The following FANCC variants were observed in gnomAD, a reference collection of about 807,000 sequenced individuals.
FANCC encodes Fanconi anemia group C protein.
Under a neutral mutation model 71.3 loss-of-function variants are expected in FANCC, and 55 were observed. That is an observed-to-expected ratio of 0.77 (90% CI 0.62 to 0.97). The LOEUF is 0.97. FANCC is among the 50% of genes least tolerant of loss of function. The probability of loss-of-function intolerance (pLI) is 0.00; values close to 1 mark genes in which losing one functional copy is unlikely to be tolerated. For missense variants in FANCC, 678 were observed against 670.9 expected (o/e 1.01, Z -0.12); for synonymous variants, 275 against 244.9 (o/e 1.12, Z -1.15).
At chr9:95,288,307 G>A (rs1833807197) in intron 1 of FANCC, among the ~76,000 whole-genome samples, 1 of 152,032 alleles carries the variant, frequency 6.6e-6, no homozygotes, top group South Asian at 2.1e-4. Context: ...CCATATATAG[G>A]AGAAAATTAA....
rs746329274 is a variant in FANCC, at chr9:95,150,100, TAAG to T, written c.522-16_522-14del. The T allele has an allele frequency of 3.1e-6, 5 of 1,613,636 alleles. No homozygotes were observed. The highest frequency in any genetic ancestry group is 3.3e-5 in the Admixed American group (2 of 59,988). On this transcript the variant is annotated splice_polypyrimidine_tract_variant and intron_variant, in intron 6 of 14. Transcript: ENST00000289081. ...CTCGGGAGCCATTCTATGGAAGAAA[TAAG>T]AAATAATCACTCAAATCTAAGAGCC...
At chr9:95,245,729 T>C (rs1830925721) in intron 3 of FANCC, among the ~76,000 whole-genome samples, 1 of 151,682 alleles carries the variant, frequency 6.6e-6, no homozygotes, top group Admixed American at 6.6e-5. Flanking sequence ...AAACCCCATC[T>C]CTATTAAAAA....
chr9:95,231,790 G>C (rs1161526225), intron 4 of FANCC, among the ~76,000 whole-genome samples: 5 of 152,156 alleles, frequency 3.3e-5, no homozygotes, highest in Non-Finnish European at 5.9e-5. Context: ...TATTTGGTAA[G>C]TTATAACATG....
chr9:95,234,326 G>T (rs1357904272), intron 4 of FANCC, among the ~76,000 whole-genome samples: 1 of 152,122 alleles, frequency 6.6e-6, no homozygotes, highest in Non-Finnish European at 1.5e-5. Flanking sequence ...GCCGTGCCAG[G>T]TACTGTTCAA....
At chr9:95,311,183 G>A (rs758926147) in intron 1 of FANCC, among the ~76,000 whole-genome samples, 6 of 142,934 alleles carry the variant, frequency 4.2e-5, no homozygotes, top group African/African-American at 1.3e-4. Flanking sequence ...GCAATGAGCC[G>A]AGATCGCGCC....
chr9:95,259,624 A>G (rs1253597659), intron 1 of FANCC, among the ~76,000 whole-genome samples: 1 of 152,252 alleles, frequency 6.6e-6, no homozygotes, highest in Non-Finnish European at 1.5e-5. Context: ...TTTAGGACAT[A>G]GGCATGGACA....
At chr9:95,158,483 A>T (rs1439649658) in intron 6 of FANCC, among the ~76,000 whole-genome samples, 1 of 152,220 alleles carries the variant, frequency 6.6e-6, no homozygotes, top group Non-Finnish European at 1.5e-5. Context: ...AGGAGAAAAG[A>T]CAAACTGTTC....
At chr9:95,210,254 G>A (rs757271301) in intron 4 of FANCC, among the ~76,000 whole-genome samples, 6 of 152,090 alleles carry the variant, frequency 3.9e-5, no homozygotes, top group Non-Finnish European at 7.4e-5. Flanking sequence ...TATGTGAGCA[G>A]GGACAGTTAT....
chr9:95,212,264 G>A (rs943751099), intron 4 of FANCC, among the ~76,000 whole-genome samples: 16 of 152,032 alleles, frequency 1.1e-4, no homozygotes, highest in Non-Finnish European at 1.6e-4. Flanking sequence ...GAGGAATCTC[G>A]AAAGACTCCA....
chr9:95,184,943 T>G (rs1435899574), intron 4 of FANCC, among the ~76,000 whole-genome samples: 6 of 152,232 alleles, frequency 3.9e-5, no homozygotes, highest in African/African-American at 9.6e-5. Flanking sequence ...CTGTGCCTGT[T>G]AGTCTGAAGC....
chr9:95,299,235 A>G (rs890421856), intron 1 of FANCC, among the ~76,000 whole-genome samples: 2 of 152,248 alleles, frequency 1.3e-5, no homozygotes, highest in African/African-American at 4.8e-5. Flanking sequence ...CAAAATCCCT[A>G]TAATTTGTAA....
chr9:95,286,222 T>G (rs573674163), intron 1 of FANCC, among the ~76,000 whole-genome samples: 4 of 152,348 alleles, frequency 2.6e-5, no homozygotes, highest in Admixed American at 6.5e-5. Flanking sequence ...TTTCATTAAT[T>G]TATAAATTTC....
intron 14 of FANCC, among the ~76,000 whole-genome samples, chr9:95,104,206 G>A (rs948598508): frequency 2.6e-5 from 4 of 152,206 alleles, no homozygotes; most frequent in South Asian, 2.1e-4. Context: ...CGCGGCCACC[G>A]CAGCGAAGGC....
At chr9:95,235,844 CAAAAAAAAAAAAAAAA>C (rs10666439) in intron 4 of FANCC, among the ~76,000 whole-genome samples, 129 of 36,228 alleles carry the variant, frequency 3.6e-3, no homozygotes, top group African/African-American at 0.014. Flanking sequence ...AACTCCACCT[CAAAAAAAAAAAAAAAA>C]AAAAAAAAAA....
rs1294138108 is a variant in FANCC at position 95,171,909 on chromosome 9, G to T, written c.456+128C>A. 1.7e-5 allele frequency: 12 copies of T among 695,490 alleles called. No individual in the cohort carries two copies. The East Asian group carries it at 3.0e-4, about 17-fold the overall frequency. The allele number at this position is 695,490 out of a possible 1,614,324, so 43.1% of individuals were successfully genotyped here. ...GTACATGGCCATAAGTCTGCCCAAGGTAAGAAGAGATAAACAAAGAAAAGT... is the reference window on the plus strand; with the variant it reads ...GTACATGGCCATAAGTCTGCCCAAGTTAAGAAGAGATAAACAAAGAAAAGT... On this transcript the variant is annotated intron_variant, in intron 5 of 14. Transcript: ENST00000289081.
intron 7 of FANCC, among the ~76,000 whole-genome samples, chr9:95,137,274 A>G (rs1414111647): frequency 6.6e-6 from 1 of 152,088 alleles, no homozygotes; most frequent in Non-Finnish European, 1.5e-5. Flanking sequence ...TGCTTGGTGT[A>G]GCTCCTGCAG....
At chr9:95,273,796 C>A (rs927163881) in intron 1 of FANCC, among the ~76,000 whole-genome samples, 2 of 152,146 alleles carry the variant, frequency 1.3e-5, no homozygotes, top group Non-Finnish European at 2.9e-5. Flanking sequence ...TAGTTTTCTA[C>A]GGGGTCAGTT....
chr9:95,253,263 GTTAA>G (rs1158663205), intron 1 of FANCC, among the ~76,000 whole-genome samples: 4 of 152,096 alleles, frequency 2.6e-5, no homozygotes, highest in Admixed American at 6.6e-5. Context: ...CCAGCATCTG[GTTAA>G]TTAAAGTACC....
intron 7 of FANCC, among the ~76,000 whole-genome samples, chr9:95,149,200 G>C (rs987899168): frequency 1.3e-5 from 2 of 151,808 alleles, no homozygotes; most frequent in African/African-American, 4.8e-5. Flanking sequence ...TTTCAAATAT[G>C]ATAAATATTA....
Sources: gnomAD v4.1 joint callset for allele counts (sites outside exome capture counted in the v4.1 genomes callset) on GRCh38, gnomAD v4.1.1 for gene constraint, MANE v1.5 for transcripts, NCBI Gene and HGNC (gene_info 2026-07-23, HGNC 2026-07-21) for gene names.